CDH23: variants seen among roughly 807,000 people sequenced by gnomAD.
CDH23 encodes cadherin-23.
In CDH23, 189 loss-of-function variants were observed where a neutral mutation model predicts 317.1. The observed-to-expected ratio is 0.60, with a 90% CI of 0.53 to 0.67. CDH23 has a LOEUF of 0.67. Ranked by LOEUF, CDH23 falls within the 30% of genes least tolerant of loss-of-function variation. The probability of loss-of-function intolerance (pLI) is 0.00; values close to 1 mark genes in which losing one functional copy is unlikely to be tolerated. For missense variants in CDH23, 4,401 were observed against 4,592.4 expected, an observed-to-expected ratio of 0.96 and a Z score of 1.20; for synonymous variants, 1,839 against 1,876.8, an observed-to-expected ratio of 0.98 and a Z score of 0.52.
At chr10:71,553,034 G>A (rs746190035) in intron 6 of CDH23, among the ~76,000 whole-genome samples, 1 of 152,170 alleles carries the variant, frequency 6.6e-6, no homozygotes, top group African/African-American at 2.4e-5. Context: ...CTGGGCTAGG[G>A]CAGTGCTTCC....
intron 6 of CDH23, among the ~76,000 whole-genome samples, chr10:71,549,199 G>A (rs143766175): frequency 6.8e-4 from 103 of 152,374 alleles, no homozygotes; most frequent in Middle Eastern, 3.4e-3. Context: ...AGAGCAGAGG[G>A]CAGGTCACTG....
intron 17 of CDH23, among the ~76,000 whole-genome samples, chr10:71,679,794 A>C (rs1161697310): frequency 1.3e-5 from 2 of 152,186 alleles, no homozygotes; most frequent in Non-Finnish European, 2.9e-5. Flanking sequence ...GTTTCTTACC[A>C]AGGCTGCAGG....
Position 71,577,926 on chromosome 10 carries a change from C to A in CDH23, c.766C>A (p.Arg256Ser), listed in dbSNP as rs779764465. ...YEHSPPGTTV[R>S]IITAIDQDKG... Reference sequence around the variant, plus strand: ...CTCTTCTGCCCAGGGCACGACGGTGCGCATCATCACCGCCATAGACCAGGA... The same window carrying A: ...CTCTTCTGCCCAGGGCACGACGGTGAGCATCATCACCGCCATAGACCAGGA... The change falls in exon 9 of 70, where the codon CGC (arginine) becomes AGC (serine). Residue 256 changes from arginine (R) to serine (S), a missense_variant. Arg to Ser is a moderately radical substitution (Grantham distance 110). This residue lies in a region of CDH23 where 3,068 missense variants were observed against 3,203.3 expected (regional missense o/e 0.96). Transcript: ENST00000224721. 5.6e-6 allele frequency: 9 copies of A among 1,599,620 alleles called. No individual in the cohort carries two copies. In the African/African-American group the frequency reaches 1.1e-4, roughly 19 times the overall value.
chr10:71,790,471 A>G, intron 46 of CDH23, 58 bp downstream of exon 46: 1 of 1,589,594 alleles, frequency 6.3e-7, no homozygotes. Flanking sequence ...GGATGGCCAC[A>G]CTGCTGGATT....
At chr10:71,681,394 G>C (rs899505254) in intron 17 of CDH23, among the ~76,000 whole-genome samples, 7 of 152,134 alleles carry the variant, frequency 4.6e-5, no homozygotes, top group African/African-American at 1.7e-4. Context: ...GATTTCAGTC[G>C]TGTGCAGTGG....
At chr10:71,761,526 T>C in intron 38 of CDH23, 1 of 1,454,554 alleles carries the variant, frequency 6.9e-7, no homozygotes, top group African/African-American at 1.4e-5. Context: ...CAGCACAGTG[T>C]CATGAATGGT....
chr10:71,664,172 C>A (rs892671085), intron 14 of CDH23, among the ~76,000 whole-genome samples: 3 of 152,132 alleles, frequency 2.0e-5, no homozygotes, highest in African/African-American at 7.2e-5. Flanking sequence ...TGGTGCCAGG[C>A]ACTTGGCACA....
intron 38 of CDH23, among the ~76,000 whole-genome samples, chr10:71,759,884 C>CATAT (rs377560344): frequency 0.05 from 2,458 of 48,718 alleles, 183 homozygotes; most frequent in Middle Eastern, 0.09. Context: ...CACACACACA[C>CATAT]ATATACACAC....
At chr10:71,767,886 C>G (rs1358446966) in intron 38 of CDH23, among the ~76,000 whole-genome samples, 1 of 152,174 alleles carries the variant, frequency 6.6e-6, no homozygotes, top group Non-Finnish European at 1.5e-5. Flanking sequence ...TCCGTGCATC[C>G]GGGGCTGGAG....
chr10:71,568,480 C>T (rs952258457), intron 7 of CDH23, among the ~76,000 whole-genome samples: 10 of 152,152 alleles, frequency 6.6e-5, no homozygotes, highest in Admixed American at 6.5e-5. Flanking sequence ...ATCTGGGTGG[C>T]GGGGCCTATC....
intron 39 of CDH23, 113 bp from the exon 40 acceptor site, chr10:71,778,076 C>A: frequency 6.7e-7 from 1 of 1,492,510 alleles, no homozygotes; most frequent in South Asian, 1.2e-5. Context: ...TAGGGGGTGG[C>A]AGTGGTTCCC....
intron 1 of CDH23, among the ~76,000 whole-genome samples, chr10:71,421,151 C>G (rs372851988): frequency 1.4e-4 from 22 of 152,368 alleles, no homozygotes; most frequent in South Asian, 1.0e-3. Context: ...AAAGATGAAG[C>G]CTGTGATCCC....
chr10:71,760,104 T>C (rs149320503), intron 38 of CDH23, among the ~76,000 whole-genome samples: 4,331 of 103,280 alleles, frequency 0.042, 1,240 homozygotes, highest in African/African-American at 0.15. Flanking sequence ...CACACACACA[T>C]ACATACATAT....
intron 47 of CDH23, among the ~76,000 whole-genome samples, chr10:71,791,562 T>C (rs924620420): frequency 6.6e-6 from 1 of 151,744 alleles, no homozygotes; most frequent in Non-Finnish European, 1.5e-5. Context: ...TTCCTTTCTT[T>C]CTTTTTCTTT....
chr10:71,515,026 G>C (rs1460547188), intron 6 of CDH23, among the ~76,000 whole-genome samples: 1 of 152,220 alleles, frequency 6.6e-6, no homozygotes, highest in African/African-American at 2.4e-5. Context: ...GCTCCTCCCA[G>C]GGCCACCCCC....
At chr10:71,804,944 C>G (rs1167493466) in intron 55 of CDH23, among the ~76,000 whole-genome samples, 1 of 152,154 alleles carries the variant, frequency 6.6e-6, no homozygotes, top group African/African-American at 2.4e-5. Flanking sequence ...CCTTCAAGGG[C>G]TTTGCATTTG....
chr10:71,754,577 T>C (rs1009909493), intron 38 of CDH23, among the ~76,000 whole-genome samples: 5 of 152,138 alleles, frequency 3.3e-5, no homozygotes, highest in African/African-American at 1.2e-4. Context: ...CACTGTCACC[T>C]GGCCAGGGTG....
At chr10:71,550,587 AAAAGAAAG>A (rs1313315240) in intron 6 of CDH23, among the ~76,000 whole-genome samples, 1 of 151,344 alleles carries the variant, frequency 6.6e-6, no homozygotes, top group African/African-American at 2.4e-5. Flanking sequence ...AGAAAAAAGA[AAAAGAAAG>A]AAAGAAAGAA....
chr10:71,767,811 G>A (rs978561287), intron 38 of CDH23, among the ~76,000 whole-genome samples: 2 of 152,208 alleles, frequency 1.3e-5, no homozygotes, highest in Non-Finnish European at 2.9e-5. Context: ...TCAGACCAAG[G>A]GGGCTGGGAA....
Sources: gnomAD v4.1 joint callset for allele counts (sites outside exome capture counted in the v4.1 genomes callset) on GRCh38, gnomAD v4.1.1 for gene constraint, gnomAD v4.1.1 regional missense constraint, MANE v1.5 for transcripts, NCBI Gene and HGNC (gene_info 2026-07-23, HGNC 2026-07-21) for gene names.